SAMD7: variants seen among roughly 807,000 people sequenced by gnomAD.
The protein encoded by SAMD7 is sterile alpha motif domain-containing protein 7.
SAMD7 carries 34 observed loss-of-function variants against 36.7 expected under a neutral mutation model. The observed-to-expected ratio is 0.93, with a 90% confidence interval of 0.71 to 1.23. The LOEUF (loss-of-function observed/expected upper bound fraction) is 1.23, where lower values mean the gene tolerates loss of function less well. Among genes scored for constraint, SAMD7 ranks in the 50% most tolerant of loss-of-function variants. The pLI, the probability that SAMD7 is intolerant of heterozygous loss-of-function variation, is 0.00. For missense variants in SAMD7, 570 were observed against 546.6 expected (o/e 1.04, Z -0.43); for synonymous variants, 188 against 189.7 (o/e 0.99, Z 0.07).
intron 8 of SAMD7, among the ~76,000 whole-genome samples, chr3:169,937,863 G>T (rs141305302): frequency 6.6e-6 from 1 of 152,250 alleles, no homozygotes; most frequent in East Asian, 1.9e-4. Flanking sequence ...CCCTGCTTCT[G>T]CCCTTGCCCA....
chr3:169,925,977 G>A (rs558440011), intron 5 of SAMD7, among the ~76,000 whole-genome samples: 1 of 152,212 alleles, frequency 6.6e-6, no homozygotes, highest in South Asian at 2.1e-4. Flanking sequence ...TAGTACCCAG[G>A]AGAAAGAAAA....
chr3:169,927,295 T>C (rs916279702), intron 6 of SAMD7, 114 bp downstream of exon 6: 3 of 810,140 alleles, frequency 3.7e-6, no homozygotes, highest in East Asian at 3.1e-5. Context: ...CTTTTTTTTT[T>C]TTTTTTTTTT....
In SAMD7 at chr3:169,927,082, G is replaced by A; in HGVS notation, c.820G>A (p.Ala274Thr). ...TCACACCACTACCCTGAAAGCAAAG[G>A]CCTGGGACGATGGGAAAGAGGAGGC... is the stretch of plus-strand genomic sequence containing the variant. The part of the protein sequence containing the change: ...GSHTTTLKAK[A>T]WDDGKEEASE... Residue 274 changes from alanine (A) to threonine (T), a missense_variant, in exon 6 of 9, where the codon GCC (alanine) becomes ACC (threonine). Transcript: ENST00000335556. 6.2e-7 allele frequency: 1 copy of A among 1,602,520 alleles called. No homozygotes were observed. Among genetic ancestry groups the A allele is most frequent in the Non-Finnish European group, 8.5e-7 (1 of 1,176,952 alleles).
chr3:169,936,354 G>A lies in SAMD7; in HGVS notation c.1057G>A (p.Ala353Thr), dbSNP rs1360916012. The change falls in exon 8 of 9, where the codon GCA becomes ACA. Residue 353 changes from alanine to threonine, a missense_variant. Transcript: ENST00000335556. ...ATTTATGAAGGTATTTAAAGATCAT[G>A]CAATTGATGGAGAAACTTTGCCATT... is the stretch of plus-strand genomic sequence containing the variant. ...SDYAQVFKDH[A>T]IDGETLPLLT... 1 of 1,605,142 alleles carries A rather than the reference G, an allele frequency of 6.2e-7. No homozygotes were observed. The highest frequency in any genetic ancestry group is 1.3e-5 in the African/African-American group (1 of 74,762).
intron 7 of SAMD7, chr3:169,933,004 T>C: frequency 1.4e-6 from 1 of 740,548 alleles, no homozygotes; most frequent in African/African-American, 1.7e-5. Flanking sequence ...CAGTGTGGCA[T>C]CACTCAGGTG....
At chr3:169,921,449 G>T in intron 4 of SAMD7, 111 bp downstream of exon 4, 1 of 1,084,418 alleles carries the variant, frequency 9.2e-7, no homozygotes, top group South Asian at 1.5e-5. Flanking sequence ...TCTGTGTGGT[G>T]GTTGTCTCTG....
At chr3:169,922,955 A>G (rs1713110264) in intron 4 of SAMD7, among the ~76,000 whole-genome samples, 1 of 152,248 alleles carries the variant, frequency 6.6e-6, no homozygotes, top group African/African-American at 2.4e-5. Context: ...CGGTCATCAG[A>G]GATTTTGATG....
In SAMD7 at chr3:169,926,816, G is replaced by T. The variant is rs1457645357; in HGVS notation, c.554G>T (p.Arg185Met). The change falls in exon 6 of 9, where the codon AGG becomes ATG. Residue 185 changes from arginine to methionine, a missense_variant. Coordinates refer to ENST00000335556, the MANE Select transcript of SAMD7 (RefSeq NM_001304366.2). Reference protein sequence around the residue: ...ESWGQRCRRLRKNTGNQKALD... With the variant: ...ESWGQRCRRLMKNTGNQKALD... ...TGGGGGCAGAGATGTCGTCGACTCA[G>T]GAAAAATACAGGGAATCAAAAAGCT... 6.2e-7 allele frequency: 1 copy of T among 1,613,838 alleles called. No homozygotes were observed. Among genetic ancestry groups the T allele is most frequent in the Admixed American group, 1.7e-5 (1 of 59,970 alleles).
intron 7 of SAMD7, among the ~76,000 whole-genome samples, chr3:169,929,319 A>G (rs552587979): frequency 3.3e-5 from 5 of 152,298 alleles, no homozygotes; most frequent in Non-Finnish European, 7.4e-5. Flanking sequence ...TACTAAATCT[A>G]GTATCATTTT....
chr3:169,934,389 C>T (rs1357036717), intron 7 of SAMD7, among the ~76,000 whole-genome samples: 1 of 152,022 alleles, frequency 6.6e-6, no homozygotes, highest in Non-Finnish European at 1.5e-5. Context: ...CACCGATGGT[C>T]CTCCCTTCCG....
chr3:169,934,026 G>A (rs368877781), intron 7 of SAMD7, among the ~76,000 whole-genome samples: 1 of 152,196 alleles, frequency 6.6e-6, no homozygotes, highest in South Asian at 2.1e-4. Context: ...GGGACTTTGA[G>A]AGTAGTTCCC....
intron 1 of SAMD7, among the ~76,000 whole-genome samples, chr3:169,912,379 A>G (rs1470073349): frequency 6.6e-6 from 1 of 152,234 alleles, no homozygotes; most frequent in Non-Finnish European, 1.5e-5. Flanking sequence ...CTTTAAGACT[A>G]TCTAACTAAA....
intron 1 of SAMD7, among the ~76,000 whole-genome samples, chr3:169,912,190 T>C (rs1712625183): frequency 6.6e-6 from 1 of 152,210 alleles, no homozygotes; most frequent in Non-Finnish European, 1.5e-5. Flanking sequence ...GTATTACTGC[T>C]GTTTATTTAC....
At chr3:169,921,875 T>C (rs1280441274) in intron 4 of SAMD7, among the ~76,000 whole-genome samples, 1 of 152,192 alleles carries the variant, frequency 6.6e-6, no homozygotes, top group Non-Finnish European at 1.5e-5. Context: ...TAAAAGATTA[T>C]GACAGCTTGG....
chr3:169,927,238 A>C (rs1713308387), intron 6 of SAMD7, 57 bp downstream of exon 6: 16 of 1,069,084 alleles, frequency 1.5e-5, no homozygotes, highest in Non-Finnish European at 3.9e-6. Context: ...CCAAGTCCGT[A>C]GGTTACTACA....
chr3:169,911,944 A>G (rs369710434), intron 1 of SAMD7, 123 bp downstream of exon 1: 74 of 152,370 alleles, frequency 4.9e-4, no homozygotes, highest in African/African-American at 1.6e-3. Flanking sequence ...GTTTATGTGT[A>G]GACTTTACTG....
intron 7 of SAMD7, among the ~76,000 whole-genome samples, chr3:169,928,918 C>A (rs1432716600): frequency 6.6e-6 from 1 of 152,172 alleles, no homozygotes; most frequent in Non-Finnish European, 1.5e-5. Context: ...CCTACTTATC[C>A]ACATAGCAAA....
chr3:169,936,238 C>T, intron 7 of SAMD7, 101 bp from the exon 8 acceptor site: 1 of 708,260 alleles, frequency 1.4e-6, no homozygotes, highest in South Asian at 1.9e-5. Flanking sequence ...CATCCTCAAG[C>T]AGTCTTAATG....
At chr3:169,926,159 G>T in intron 5 of SAMD7, 1 of 640,538 alleles carries the variant, frequency 1.6e-6, no homozygotes, top group Non-Finnish European at 2.5e-6. Context: ...TATAAATATT[G>T]AGACTTGCAA....
Sources: gnomAD v4.1 joint callset for allele counts (sites outside exome capture counted in the v4.1 genomes callset) on GRCh38, gnomAD v4.1.1 for gene constraint, MANE v1.5 for transcripts, NCBI Gene and HGNC (gene_info 2026-07-23, HGNC 2026-07-21) for gene names.